CALB1: variants seen among roughly 807,000 people sequenced by gnomAD.
The protein encoded by CALB1 is calbindin.
In CALB1, 16 loss-of-function variants were observed where a neutral mutation model predicts 46.7. The observed-to-expected ratio is 0.34, with a 90% CI of 0.23 to 0.52. The LOEUF is 0.52. CALB1 is among the 20% of genes least tolerant of loss of function. The pLI, the probability that CALB1 is intolerant of heterozygous loss-of-function variation, is 0.95. For synonymous variants in CALB1, 90 were observed against 112.8 expected (o/e 0.80, Z 1.28); for missense variants, 224 against 300.3 (o/e 0.75, Z 1.88).
At chr8:90,076,701 G>C (rs1283716130) in intron 3 of CALB1, among the ~76,000 whole-genome samples, 2 of 151,638 alleles carry the variant, frequency 1.3e-5, no homozygotes, top group African/African-American at 4.8e-5. Flanking sequence ...TAAAACTTCT[G>C]AGGAAATTTC....
intron 1 of CALB1, 176 bp from the exon 2 acceptor site, chr8:90,082,278 T>C: frequency 1.6e-6 from 1 of 622,850 alleles, no homozygotes. Flanking sequence ...TATCAAACTT[T>C]AGATCCACTG....
At chr8:90,063,654 GGAT>G (rs1286919665) in intron 6 of CALB1, 193 bp from the exon 7 acceptor site, 1 of 557,882 alleles carries the variant, frequency 1.8e-6, no homozygotes, top group Non-Finnish European at 3.2e-6. Flanking sequence ...GAGTTTATCA[GGAT>G]AATATAGAAT....
intron 3 of CALB1, among the ~76,000 whole-genome samples, chr8:90,074,249 TGAG>T (rs1586183141): frequency 6.6e-6 from 1 of 152,198 alleles, no homozygotes; most frequent in East Asian, 1.9e-4. Flanking sequence ...ATACATTTGT[TGAG>T]TTTTTACAGT....
intron 3 of CALB1, among the ~76,000 whole-genome samples, chr8:90,070,645 G>A (rs1000105954): frequency 1.3e-5 from 2 of 152,040 alleles, no homozygotes; most frequent in Admixed American, 1.3e-4. Context: ...CTAAGGGAAA[G>A]GGCCAAACCT....
chr8:90,077,778 C>T (rs961450202), intron 3 of CALB1, among the ~76,000 whole-genome samples: 1 of 151,988 alleles, frequency 6.6e-6, no homozygotes, highest in African/African-American at 2.4e-5. Context: ...TTTTAACTTT[C>T]AAAGATTCAC....
At chr8:90,064,113 A>G (rs920640152) in intron 6 of CALB1, 2 of 151,840 alleles carry the variant, frequency 1.3e-5, no homozygotes, top group Non-Finnish European at 3.0e-5. Flanking sequence ...GAATTACATT[A>G]AATATATAAA....
At chr8:90,067,321 G>A (rs529850271) in intron 5 of CALB1, among the ~76,000 whole-genome samples, 1 of 152,178 alleles carries the variant, frequency 6.6e-6, no homozygotes, top group African/African-American at 2.4e-5. Flanking sequence ...CAGGGAAGAG[G>A]ACTTCTATTT....
Position 90,069,136 on chromosome 8 carries a change from G to A in CALB1, c.315+18C>T. 1 of 1,612,850 alleles carries A rather than the reference G, an allele frequency of 6.2e-7. No individual in the cohort carries two copies. The highest frequency in any genetic ancestry group is 8.5e-7 in the Non-Finnish European group (1 of 1,178,902). On this transcript the variant is annotated intron_variant, in intron 4 of 10. Coordinates refer to ENST00000265431, the MANE Select transcript of CALB1 (RefSeq NM_004929.4). ...TCCTACTTTAAGCAGCTTTCTTAAA[G>A]GGGCAGCTTTCTTATACCTTCATGA...
At chr8:90,071,982 T>C (rs1175052990) in intron 3 of CALB1, among the ~76,000 whole-genome samples, 1 of 152,194 alleles carries the variant, frequency 6.6e-6, no homozygotes, top group Non-Finnish European at 1.5e-5. Flanking sequence ...CTGAAATAAA[T>C]GCTTGCGGAT....
chr8:90,082,319 C>A, intron 1 of CALB1: 2 of 604,584 alleles, frequency 3.3e-6, no homozygotes, highest in East Asian at 2.7e-5. Context: ...GGGTGCTAAG[C>A]GCAGCCACAG....
chr8:90,063,049 G>A (rs1379927789), intron 9 of CALB1, 51 bp downstream of exon 9: 14 of 1,303,456 alleles, frequency 1.1e-5, no homozygotes, highest in Non-Finnish European at 1.5e-5. Context: ...AGGATCTTAT[G>A]TTGTGTTCTT....
intron 1 of CALB1, 185 bp downstream of exon 1, chr8:90,082,434 T>A: frequency 1.6e-6 from 1 of 635,618 alleles, no homozygotes; most frequent in South Asian, 1.9e-5. Context: ...GTGGAAACAA[T>A]ATAAACTTTC....
At chr8:90,076,248 A>T (rs1260931057) in intron 3 of CALB1, among the ~76,000 whole-genome samples, 1 of 152,082 alleles carries the variant, frequency 6.6e-6, no homozygotes, top group Non-Finnish European at 1.5e-5. Context: ...AACTTGCCAT[A>T]AGTAATCAAC....
rs774928148 is a variant in CALB1, at chr8:90,060,249, T to A, written c.710A>T (p.Asn237Ile). ...CCCTCCATCCGACAAAGCCATTATG[T>A]TCTTCTTGTATGTTGTAATATTATT... ...DINNITTYKK[N>I]IMALSDGGKL... The change falls in exon 11 of 11, where the codon AAC (asparagine) becomes ATC (isoleucine). Residue 237 changes from asparagine (N) to isoleucine (I), a missense_variant. By Grantham distance (149) the Asn-to-Ile change is moderately radical (BLOSUM62 -3). Transcript: ENST00000265431. The A allele has an allele frequency of 6.2e-7, 1 of 1,611,932 alleles. No homozygotes were observed. The highest frequency in any genetic ancestry group is 8.5e-7 in the Non-Finnish European group (1 of 1,178,010).
intron 2 of CALB1, 149 bp from the exon 3 acceptor site, chr8:90,078,596 G>A: frequency 1.8e-6 from 1 of 555,078 alleles, no homozygotes; most frequent in Non-Finnish European, 3.2e-6. Context: ...AAAATTAAAG[G>A]CATAACTGAT....
intron 9 of CALB1, 76 bp from the exon 10 acceptor site, chr8:90,060,776 T>A: frequency 8.4e-7 from 1 of 1,195,216 alleles, no homozygotes. Flanking sequence ...ATGGAAATAA[T>A]TGGAATCCTT....
chr8:90,072,847 C>T (rs1414242033), intron 3 of CALB1, among the ~76,000 whole-genome samples: 1 of 152,176 alleles, frequency 6.6e-6, no homozygotes, highest in Non-Finnish European at 1.5e-5. Flanking sequence ...CCTGCCTGCT[C>T]TTTTATGAAC....
In CALB1 at chr8:90,069,140, C is replaced by G; in HGVS notation, c.315+14G>C. The G allele has an allele frequency of 1.2e-6, 2 of 1,612,892 alleles. No homozygotes were observed. Among genetic ancestry groups the G allele is most frequent in the Non-Finnish European group, 1.7e-6 (2 of 1,178,926 alleles). The stretch of plus-strand genomic sequence containing the variant: ...ACTTTAAGCAGCTTTCTTAAAGGGG[C>G]AGCTTTCTTATACCTTCATGAATTC... On this transcript the variant is annotated intron_variant, in intron 4 of 10. Transcript: ENST00000265431.
chr8:90,077,021 G>A (rs1355222091), intron 3 of CALB1, among the ~76,000 whole-genome samples: 1 of 151,898 alleles, frequency 6.6e-6, no homozygotes, highest in African/African-American at 2.4e-5. Flanking sequence ...GGATTATAAA[G>A]TATGTCAAAC....
Sources: allele counts gnomAD v4.1 joint callset (sites outside exome capture counted in the v4.1 genomes callset), GRCh38; gene constraint gnomAD v4.1.1; transcripts MANE v1.5; gene names NCBI Gene and HGNC (gene_info 2026-07-23, HGNC 2026-07-21).